Variants in RASSF3 observed in about 807,000 individuals in gnomAD.
RASSF3 encodes the protein Ras association domain family member 3, also known as ras association domain-containing protein 3.
A neutral mutation model predicts 19.9 loss-of-function variants in RASSF3; 19 were observed. That is an observed-to-expected ratio of 0.96 (90% CI 0.67 to 1.40). The LOEUF (loss-of-function observed/expected upper bound fraction) is 1.40. Ranked by LOEUF, RASSF3 falls within the 40% of genes most tolerant of loss-of-function variation. RASSF3 has a pLI of 0.00. For missense variants in RASSF3, 306 were observed against 289.8 expected, an observed-to-expected ratio of 1.06 and a Z score of -0.41; for synonymous variants, 110 against 104.2, an observed-to-expected ratio of 1.06 and a Z score of -0.34.
At chr12:64,525,736 CT>C (rs535984772) in intron 1 of RASSF3, among the ~76,000 whole-genome samples, 243 of 145,102 alleles carry the variant, frequency 1.7e-3, no homozygotes, top group African/African-American at 6.6e-3. Flanking sequence ...TTTTCAAAGT[CT>C]ACTTTTTTTT....
At chr12:64,674,174 C>T (rs1443737356) in intron 1 of RASSF3, among the ~76,000 whole-genome samples, 2 of 152,130 alleles carry the variant, frequency 1.3e-5, no homozygotes, top group African/African-American at 4.8e-5. Flanking sequence ...ACATGGATAA[C>T]AGAAGTACAT....
At chr12:64,614,861 C>CTT (rs369976100) in intron 1 of RASSF3, among the ~76,000 whole-genome samples, 8 of 146,550 alleles carry the variant, frequency 5.5e-5, no homozygotes, top group Admixed American at 4.8e-4. Flanking sequence ...CCAGGCCTGG[C>CTT]TTTTTTTTTT....
At chr12:64,682,693 C>T (rs12368761) in intron 1 of RASSF3, among the ~76,000 whole-genome samples, 9,424 of 152,026 alleles carry the variant, frequency 0.062, 360 homozygotes, top group Non-Finnish European at 0.09. Flanking sequence ...GTGGTATTGA[C>T]GCAAGTTCTG....
At chr12:64,530,076 G>A (rs952784306), upstream of RASSF3, among the ~76,000 whole-genome samples, 1 of 152,006 alleles carries the variant, frequency 6.6e-6, no homozygotes, top group African/African-American at 2.4e-5. Context: ...AGTGTCCCCA[G>A]GTCCCTTTGT....
At chr12:64,691,875 C>T (rs1592475998) in intron 4 of RASSF3, among the ~76,000 whole-genome samples, 1 of 152,234 alleles carries the variant, frequency 6.6e-6, no homozygotes, top group East Asian at 1.9e-4. Context: ...TCCAGAGAGT[C>T]ATTTTCACCC....
rs1872180392 is a variant in RASSF3 at position 64,657,010 on chromosome 12, T to C, written c.112-27777T>C. ...GGAGTCAGTGTTTAATAGTATAGTT[T>C]CTTTTTTTTTTTTTTTTCAGACAGA... On this transcript the variant is annotated intron_variant, in intron 1 of 4. Transcript: ENST00000542104. Among the ~76,000 whole-genome samples the C allele has an allele frequency of 2.2e-5, 3 of 136,956 alleles. No individual in the cohort carries two copies. The South Asian group carries it at 7.2e-4, about 33-fold the overall frequency. The allele number at this position is 136,956 out of a possible 152,430, so 89.8% of individuals were successfully genotyped here.
intron 2 of RASSF3, among the ~76,000 whole-genome samples, chr12:64,598,636 A>T (rs1305693329): frequency 1.3e-5 from 2 of 151,742 alleles, no homozygotes; most frequent in East Asian, 3.8e-4. Context: ...TAGGTCTCTT[A>T]CTTGTATTTA....
At chr12:64,661,326 A>C (rs1223465985) in intron 1 of RASSF3, among the ~76,000 whole-genome samples, 1 of 152,132 alleles carries the variant, frequency 6.6e-6, no homozygotes, top group East Asian at 1.9e-4. Flanking sequence ...GTCTCTACAA[A>C]AAATTAAAAA....
intron 2 of RASSF3, among the ~76,000 whole-genome samples, chr12:64,547,347 C>G (rs1869083314): frequency 6.6e-6 from 1 of 150,874 alleles, no homozygotes; most frequent in Non-Finnish European, 1.5e-5. Context: ...GCAGGCGGAT[C>G]ACAAGGTCAA....
chr12:64,689,981 G>A (rs931446822), intron 3 of RASSF3, among the ~76,000 whole-genome samples: 2 of 151,078 alleles, frequency 1.3e-5, no homozygotes, highest in African/African-American at 4.9e-5. Flanking sequence ...AGTAGAGACG[G>A]GATTTCACTG....
intron 1 of RASSF3, among the ~76,000 whole-genome samples, chr12:64,617,311 T>G (rs556603312): frequency 1.3e-5 from 2 of 152,346 alleles, no homozygotes; most frequent in South Asian, 4.1e-4. Flanking sequence ...ATTAATATAT[T>G]TAGTTGACAA....
chr12:64,604,285 C>A (rs1253620899), intron 2 of RASSF3, among the ~76,000 whole-genome samples: 1 of 151,950 alleles, frequency 6.6e-6, no homozygotes, highest in East Asian at 1.9e-4. Flanking sequence ...ACCACCATGC[C>A]CGGCTAATTT....
intron 2 of RASSF3, among the ~76,000 whole-genome samples, chr12:64,581,121 A>AAG (rs933066354): frequency 2.0e-4 from 30 of 151,432 alleles, no homozygotes; most frequent in Middle Eastern, 3.4e-3. Flanking sequence ...AAAAAAAAAA[A>AAG]AGAGAGAGAG....
rs1868331202 is a variant in RASSF3, at chr12:64,694,834, G to A, written c.639G>A (p.Leu213=). The change falls in exon 5 of 5, where the codon CTG becomes CTA. Residue 213 remains leucine (L), a synonymous_variant. Coordinates refer to ENST00000542104, the MANE Select transcript of RASSF3 (RefSeq NM_178169.4). ...RILDKEEDEQ[L]QNLKRRYTAY... is the part of the protein sequence containing the mutation. ...TGGACAAGGAAGAAGATGAACAGCT[G>A]CAGAACCTGAAGAGGCGCTACACAG... 3 of 1,614,266 alleles carry A rather than the reference G, an allele frequency of 1.9e-6. No individual in the cohort carries two copies. The highest frequency in any genetic ancestry group is 2.7e-5 in the African/African-American group (2 of 75,082).
intron 1 of RASSF3, chr12:64,611,452 C>T (rs79177629): frequency 0.036 from 5,449 of 152,348 alleles, 131 homozygotes; most frequent in Non-Finnish European, 0.053. Context: ...CCGTGGGAAG[C>T]ACGAGTTGGG....
chr12:64,644,811 T>A (rs1014668059), intron 1 of RASSF3, among the ~76,000 whole-genome samples: 1 of 152,210 alleles, frequency 6.6e-6, no homozygotes, highest in Non-Finnish European at 1.5e-5. Context: ...TCCTGTTACT[T>A]CCAGGATACC....
At chr12:64,538,659 A>AC (rs1868881064) in intron 1 of RASSF3, among the ~76,000 whole-genome samples, 1 of 151,682 alleles carries the variant, frequency 6.6e-6, no homozygotes, top group Non-Finnish European at 1.5e-5. Flanking sequence ...ACAAAAAAAA[A>AC]CACAAATAAA....
intron 1 of RASSF3, among the ~76,000 whole-genome samples, chr12:64,634,264 A>G (rs998797049): frequency 1.3e-5 from 2 of 151,140 alleles, no homozygotes; most frequent in Non-Finnish European, 2.9e-5. Context: ...GCAAATTGAC[A>G]CAGAGGGTCT....
At chr12:64,573,434 A>G (rs565545734) in intron 2 of RASSF3, among the ~76,000 whole-genome samples, 11 of 152,350 alleles carry the variant, frequency 7.2e-5, no homozygotes, top group African/African-American at 1.7e-4. Flanking sequence ...CAACAATCCA[A>G]TGGAATAGAT....
Sources: gnomAD v4.1 joint callset for allele counts (sites outside exome capture counted in the v4.1 genomes callset) on GRCh38, gnomAD v4.1.1 for gene constraint, MANE v1.5 for transcripts, NCBI Gene and HGNC (gene_info 2026-07-23, HGNC 2026-07-21) for gene names.